Variants in ERBIN observed in about 807,000 individuals in gnomAD.
ERBIN encodes the protein erbb2 interacting protein.
In ERBIN, 60 loss-of-function variants were observed where a neutral mutation model predicts 158.4. The ratio of observed to expected loss-of-function variants is 0.38; its 90% CI spans 0.31 to 0.47. ERBIN has a LOEUF of 0.47. ERBIN is among the 20% of genes least tolerant of loss of function. The pLI, the probability that ERBIN is intolerant of heterozygous loss-of-function variation, is 0.99. For synonymous variants in ERBIN, 594 were observed against 557.2 expected (o/e 1.07, Z -0.93); for missense variants, 1,610 against 1,648.0 (o/e 0.98, Z 0.40).
intron 1 of ERBIN, among the ~76,000 whole-genome samples, chr5:65,932,264 G>A (rs1484205289): frequency 2.0e-5 from 3 of 151,424 alleles, no homozygotes; most frequent in African/African-American, 2.4e-5. Context: ...GCCTGAACTC[G>A]GGAGGTGGAG....
chr5:65,943,636 A>G (rs1054818031), intron 1 of ERBIN, among the ~76,000 whole-genome samples: 3 of 151,996 alleles, frequency 2.0e-5, no homozygotes, highest in African/African-American at 7.3e-5. Context: ...TGAAACTTCC[A>G]CCCAATGTTT....
At chr5:66,024,261 T>C in intron 9 of ERBIN, 45 bp from the exon 10 acceptor site, 1 of 1,280,808 alleles carries the variant, frequency 7.8e-7, no homozygotes, top group Non-Finnish European at 1.1e-6. Flanking sequence ...TTTTACAAAT[T>C]ACTAATGTTA....
intron 1 of ERBIN, among the ~76,000 whole-genome samples, chr5:65,957,420 CTT>C (rs1747296808): frequency 6.6e-6 from 1 of 152,026 alleles, no homozygotes; most frequent in Admixed American, 6.6e-5. Flanking sequence ...GGTGATGACT[CTT>C]AACGAGCATG....
At chr5:66,077,759 T>TACACACACACACAC (rs70987111) in intron 25 of ERBIN, among the ~76,000 whole-genome samples, 54 of 139,284 alleles carry the variant, frequency 3.9e-4, no homozygotes, top group East Asian at 1.0e-3. Flanking sequence ...TCCCTCCCTC[T>TACACACACACACAC]ACACACACAC....
chr5:66,075,279 A>AT (rs748403908), intron 23 of ERBIN, 49 bp downstream of exon 23: 1 of 1,411,308 alleles, frequency 7.1e-7, no homozygotes, highest in East Asian at 2.3e-5. Context: ...CTTTTTATGT[A>AT]TTTTTATAGG....
At chr5:66,031,540 A>G (rs1409408237) in intron 14 of ERBIN, among the ~76,000 whole-genome samples, 1 of 152,234 alleles carries the variant, frequency 6.6e-6, no homozygotes, top group African/African-American at 2.4e-5. Context: ...ATCTCTCAAA[A>G]GAGGAACGGG....
At chr5:65,950,161 A>G (rs1187951894) in intron 1 of ERBIN, among the ~76,000 whole-genome samples, 1 of 151,994 alleles carries the variant, frequency 6.6e-6, no homozygotes, top group Non-Finnish European at 1.5e-5. Flanking sequence ...GTGTGCCACC[A>G]TGCCCAGCTA....
intron 14 of ERBIN, among the ~76,000 whole-genome samples, chr5:66,035,191 A>C (rs1469099703): frequency 1.3e-5 from 2 of 152,246 alleles, no homozygotes; most frequent in African/African-American, 4.8e-5. Flanking sequence ...TGAAATTGCT[A>C]TCTGTATCCT....
chr5:66,075,327 G>T, intron 23 of ERBIN, 97 bp downstream of exon 23: 1 of 985,932 alleles, frequency 1.0e-6, no homozygotes, highest in Non-Finnish European at 1.5e-6. Context: ...GAATATTAAC[G>T]TAGTTATTAC....
At chr5:65,940,184 C>T (rs998702019) in intron 1 of ERBIN, among the ~76,000 whole-genome samples, 1 of 150,678 alleles carries the variant, frequency 6.6e-6, no homozygotes, top group South Asian at 2.1e-4. Context: ...ATGTGGGGAG[C>T]GCCTCTGCCC....
intron 21 of ERBIN, among the ~76,000 whole-genome samples, chr5:66,066,070 A>T (rs1486858877): frequency 1.3e-5 from 2 of 152,164 alleles, no homozygotes; most frequent in East Asian, 1.9e-4. Context: ...CCTATGTTCA[A>T]AACATTCTAA....
At chr5:65,934,795 A>T (rs775024355) in intron 1 of ERBIN, among the ~76,000 whole-genome samples, 2 of 152,154 alleles carry the variant, frequency 1.3e-5, no homozygotes, top group Non-Finnish European at 2.9e-5. Flanking sequence ...AAATTCACTT[A>T]TTTACATGTA....
Position 66,030,466 on chromosome 5 carries a change from G to T in ERBIN, c.1206+2123G>T, listed in dbSNP as rs1028236576. 5.9e-5 allele frequency among the ~76,000 whole-genome samples: 9 copies of T among 151,848 alleles called. No homozygotes were observed. The East Asian group carries it at 9.7e-4, about 16-fold the overall frequency. On this transcript the variant is annotated intron_variant, in intron 14 of 25. Coordinates refer to ENST00000284037, the MANE Select transcript of ERBIN (RefSeq NM_001253697.2). ...CGACTAGATTCAGAAAAATTTGCTG[G>T]ACCCCATCTTATGCCATTTACTAAC...
chr5:66,017,740 C>T (rs1306243799), intron 7 of ERBIN, among the ~76,000 whole-genome samples: 3 of 151,922 alleles, frequency 2.0e-5, no homozygotes, highest in African/African-American at 7.3e-5. Flanking sequence ...AAAATCTTTG[C>T]CCAAACCAGT....
At chr5:65,927,092 T>A (rs1447161499) in intron 1 of ERBIN, among the ~76,000 whole-genome samples, 1 of 151,914 alleles carries the variant, frequency 6.6e-6, no homozygotes, top group Non-Finnish European at 1.5e-5. Flanking sequence ...CGATTGCCTT[T>A]GTTCAGCACA....
At chr5:66,021,436 A>C (rs1018181645) in intron 8 of ERBIN, 51 bp downstream of exon 8, 37 of 1,276,096 alleles carry the variant, frequency 2.9e-5, no homozygotes, top group Non-Finnish European at 3.9e-5. Flanking sequence ...TTAATGAAGA[A>C]CAAAATATGA....
At chr5:66,063,625 C>T (rs141829786) in intron 21 of ERBIN, among the ~76,000 whole-genome samples, 98 of 152,294 alleles carry the variant, frequency 6.4e-4, no homozygotes, top group African/African-American at 2.2e-3. Context: ...CCGTCTTCTG[C>T]GTCGCTCACG....
intron 13 of ERBIN, 113 bp from the exon 14 acceptor site, chr5:66,028,161 A>G (rs1470913443): frequency 4.9e-6 from 3 of 613,854 alleles, no homozygotes; most frequent in South Asian, 6.0e-5. Flanking sequence ...TTTTTCTCCT[A>G]TTTTCATGTG....
At chr5:65,937,572 A>G (rs1278236009) in intron 1 of ERBIN, among the ~76,000 whole-genome samples, 1 of 152,164 alleles carries the variant, frequency 6.6e-6, no homozygotes, top group East Asian at 1.9e-4. Flanking sequence ...CTGCTTTTAA[A>G]TGAATTTTCC....
Sources: gnomAD v4.1 joint callset for allele counts (sites outside exome capture counted in the v4.1 genomes callset) on GRCh38, gnomAD v4.1.1 for gene constraint, MANE v1.5 for transcripts, NCBI Gene and HGNC (gene_info 2026-07-23, HGNC 2026-07-21) for gene names.